The following KAZN variants were observed in gnomAD, a reference collection of about 807,000 sequenced individuals.
The protein encoded by KAZN is kazrin, periplakin interacting protein, also known as kazrin.
In KAZN, 40 loss-of-function variants were observed where a neutral mutation model predicts 87.4. That is an observed-to-expected ratio of 0.46 (90% CI 0.36 to 0.60). KAZN has a LOEUF of 0.60. Among genes scored for constraint, KAZN ranks in the 20% least tolerant of loss-of-function variants. KAZN has a pLI of 0.00. For synonymous variants in KAZN, 466 were observed against 458.3 expected, an observed-to-expected ratio of 1.02 and a Z score of -0.22; for missense variants, 898 against 1,073.9, an observed-to-expected ratio of 0.84 and a Z score of 2.29.
chr1:13,978,076 C>T (rs1027819811), intron 1 of KAZN, among the ~76,000 whole-genome samples: 1 of 130,948 alleles, frequency 7.6e-6, no homozygotes, highest in Admixed American at 9.8e-5. Context: ...TGCAGTGAGC[C>T]GAGATCGTGC....
At chr1:14,495,055 A>C (rs1490761560) in intron 2 of KAZN, among the ~76,000 whole-genome samples, 2 of 152,206 alleles carry the variant, frequency 1.3e-5, no homozygotes, top group Non-Finnish European at 2.9e-5. Context: ...GGAGAAAGAG[A>C]ATACAGCAAG....
intron 1 of KAZN, among the ~76,000 whole-genome samples, chr1:13,928,294 TATG>T (rs1165301162): frequency 1.3e-5 from 2 of 152,150 alleles, no homozygotes; most frequent in African/African-American, 2.4e-5. Flanking sequence ...CTGGATCATG[TATG>T]ATGATGATGA....
chr1:14,235,643 T>C (rs996272173), intron 2 of KAZN, among the ~76,000 whole-genome samples: 10 of 152,158 alleles, frequency 6.6e-5, no homozygotes, highest in Non-Finnish European at 1.2e-4. Flanking sequence ...TTGTAAAAAA[T>C]AGAAAAATGT....
At chr1:13,950,628 G>A (rs1489739435) in intron 1 of KAZN, among the ~76,000 whole-genome samples, 4 of 111,818 alleles carry the variant, frequency 3.6e-5, no homozygotes, top group South Asian at 2.7e-4. Flanking sequence ...AGGCAGCGTC[G>A]GACTGCAGGA....
intron 2 of KAZN, among the ~76,000 whole-genome samples, chr1:14,236,172 C>T (rs1648403793): frequency 6.6e-6 from 1 of 152,216 alleles, no homozygotes; most frequent in Non-Finnish European, 1.5e-5. Context: ...TAATTTTCCT[C>T]TCCCACCCTG....
chr1:14,529,132 C>T (rs1050348130), intron 2 of KAZN, among the ~76,000 whole-genome samples: 1 of 152,070 alleles, frequency 6.6e-6, no homozygotes, highest in East Asian at 1.9e-4. Context: ...GGTGAAACCC[C>T]GTCTCCACTA....
intron 3 of KAZN, among the ~76,000 whole-genome samples, chr1:15,036,405 C>T (rs1672340113): frequency 6.8e-6 from 1 of 148,120 alleles, no homozygotes; most frequent in Non-Finnish European, 1.5e-5. Context: ...GCCCTGACCA[C>T]CCAGCTCCCC....
At chr1:14,386,317 A>G (rs1306707782) in intron 2 of KAZN, among the ~76,000 whole-genome samples, 2 of 147,182 alleles carry the variant, frequency 1.4e-5, no homozygotes, top group African/African-American at 5.0e-5. Context: ...ATTTACATTT[A>G]AAGTTAATAT....
rs146478091 is a variant in KAZN at position 14,692,378 on chromosome 1, C to T, written c.226+93155C>T. ...CTTGTTATTTTGCTTCTTTTCCATA[C>T]GTCAGTTTTTCTTTGACCGACCTGC... On this transcript the variant is annotated intron_variant, in intron 1 of 14. Transcript: ENST00000376030. The T allele has an allele frequency of 4.6e-3, 1,431 of 313,668 alleles. 22 individuals are homozygous for T. The highest frequency in any genetic ancestry group is 0.028 in the African/African-American group (1,292 of 45,728). The allele number at this position is 313,668 out of a possible 1,614,324, so 19.4% of individuals were successfully genotyped here. A position where few individuals can be genotyped will look rare whatever the true frequency, so the allele number is the denominator to read the frequency against.
intron 2 of KAZN, among the ~76,000 whole-genome samples, chr1:14,563,715 T>C (rs1274160712): frequency 6.6e-6 from 1 of 152,016 alleles, no homozygotes; most frequent in Non-Finnish European, 1.5e-5. Flanking sequence ...CTCCCCATCC[T>C]CTCAGCCCTG....
Position 14,760,161 on chromosome 1 carries a change from G to A in KAZN, c.226+160938G>A, listed in dbSNP as rs547767273. Among the ~76,000 whole-genome samples, 45 of 152,070 alleles carry A rather than the reference G, an allele frequency of 3.0e-4. No individual in the cohort carries two copies. In the South Asian group the frequency reaches 4.2e-3, roughly 14 times the overall value. ...CTTTGCCTGAAACCAACCAATGCTC[G>A]CCTGGCTTCCCTTCCTTCCCCAACC... On this transcript the variant is annotated intron_variant, in intron 1 of 14. Transcript: ENST00000376030.
chr1:14,054,669 A>C (rs1174535333), intron 1 of KAZN, among the ~76,000 whole-genome samples: 1 of 152,234 alleles, frequency 6.6e-6, no homozygotes, highest in African/African-American at 2.4e-5. Flanking sequence ...AAAGGCCAAA[A>C]GGGAGAAAAG....
At chr1:14,423,530 G>A (rs1218349709) in intron 2 of KAZN, among the ~76,000 whole-genome samples, 1 of 152,150 alleles carries the variant, frequency 6.6e-6, no homozygotes, top group Admixed American at 6.5e-5. Flanking sequence ...GAAGACCTCA[G>A]CTCCCCACAC....
At chr1:13,952,255 A>C (rs1249914440) in intron 1 of KAZN, among the ~76,000 whole-genome samples, 2 of 151,822 alleles carry the variant, frequency 1.3e-5, no homozygotes, top group African/African-American at 4.8e-5. Flanking sequence ...GTGGTCTTAC[A>C]CACTGTAGGA....
At chr1:14,560,676 G>A (rs765342973) in intron 2 of KAZN, among the ~76,000 whole-genome samples, 3 of 152,144 alleles carry the variant, frequency 2.0e-5, no homozygotes, top group Non-Finnish European at 2.9e-5. Flanking sequence ...GGCACAAGGA[G>A]AGCGTCCATT....
chr1:14,737,778 G>T (rs1032809017), intron 1 of KAZN, among the ~76,000 whole-genome samples: 1 of 152,164 alleles, frequency 6.6e-6, no homozygotes, highest in African/African-American at 2.4e-5. Flanking sequence ...ATGGCTGTTT[G>T]CCAGGTGCTG....
chr1:14,254,724 A>G (rs976178547), intron 2 of KAZN, among the ~76,000 whole-genome samples: 3 of 151,860 alleles, frequency 2.0e-5, no homozygotes, highest in African/African-American at 7.3e-5. Context: ...AAAAAAAAAA[A>G]GGTTTAATTG....
intron 2 of KAZN, among the ~76,000 whole-genome samples, chr1:14,588,875 T>C (rs906203612): frequency 6.6e-6 from 1 of 152,202 alleles, no homozygotes; most frequent in Non-Finnish European, 1.5e-5. Flanking sequence ...ATCTCTTGAA[T>C]ACATGACAAT....
intron 8 of KAZN, among the ~76,000 whole-genome samples, chr1:15,070,774 G>A (rs556335922): frequency 6.8e-4 from 103 of 152,300 alleles, no homozygotes; most frequent in African/African-American, 2.4e-3. Flanking sequence ...TCGGGATGTC[G>A]AGGCTGCAAT....
Sources: allele counts gnomAD v4.1 joint callset (sites outside exome capture counted in the v4.1 genomes callset), GRCh38; gene constraint gnomAD v4.1.1; transcripts MANE v1.5; gene names NCBI Gene and HGNC (gene_info 2026-07-23, HGNC 2026-07-21).